Variants in RRM1 observed in about 807,000 individuals in gnomAD.
RRM1 encodes the protein ribonucleotide reductase catalytic subunit M1, also known as ribonucleoside-diphosphate reductase large subunit.
A neutral mutation model predicts 101.5 loss-of-function variants in RRM1; 19 were observed. That is an observed-to-expected ratio of 0.19 (90% CI 0.13 to 0.27). RRM1 has a LOEUF of 0.27. RRM1 is among the 10% of genes least tolerant of loss of function. The pLI, the probability that RRM1 is intolerant of heterozygous loss-of-function variation, is 1.00. For missense variants in RRM1, 500 were observed against 962.9 expected (o/e 0.52, Z 6.36); for synonymous variants, 298 against 323.4 (o/e 0.92, Z 0.84).
At chr11:4,124,785 A>G (rs2094586904) in intron 12 of RRM1, among the ~76,000 whole-genome samples, 1 of 151,760 alleles carries the variant, frequency 6.6e-6, no homozygotes, top group African/African-American at 2.4e-5. Flanking sequence ...TCTTTTTGCA[A>G]ATTGAGCTAT....
Position 4,138,763 on chromosome 11 carries a change from G to C in RRM1, c.*380G>C, listed in dbSNP as rs1026077933. The C allele has an allele frequency of 9.4e-6, 2 of 213,754 alleles. No homozygotes were observed. Among genetic ancestry groups the C allele is most frequent in the African/African-American group, 4.5e-5 (2 of 44,294 alleles). 13.2% of individuals were successfully genotyped at this position (213,754 alleles called of 1,614,324 possible). A position where few individuals can be genotyped will look rare whatever the true frequency, so the allele number is the denominator to read the frequency against. On this transcript the variant is annotated 3_prime_UTR_variant, in exon 19 of 19. Coordinates refer to ENST00000300738, the MANE Select transcript of RRM1 (RefSeq NM_001033.5). ...GAGATTTAGTTTTACTGCTTTGACT[G>C]GTGGGTCTCTAGAAGCAAAACTGAG... is the stretch of plus-strand genomic sequence containing the variant.
chr11:4,107,607 T>G (rs1000292076), intron 4 of RRM1, 72 bp downstream of exon 4: 17 of 917,312 alleles, frequency 1.9e-5, no homozygotes, highest in Admixed American at 9.3e-5. Context: ...TTAGAAAATT[T>G]AAACACTGCA....
intron 12 of RRM1, among the ~76,000 whole-genome samples, chr11:4,124,920 A>T (rs201388166): frequency 0.012 from 1,032 of 83,648 alleles, 6 homozygotes; most frequent in Middle Eastern, 0.022. Context: ...TATTTATTTT[A>T]TTTTTTTTTT....
At chr11:4,124,833 TTTC>T (rs1206714938) in intron 12 of RRM1, among the ~76,000 whole-genome samples, 6 of 38,720 alleles carry the variant, frequency 1.5e-4, no homozygotes, top group Non-Finnish European at 5.0e-4. Flanking sequence ...CAGTGTTTTT[TTTC>T]TTTTCTTTTC....
intron 18 of RRM1, 112 bp downstream of exon 18, chr11:4,135,382 G>A (rs1205977552): frequency 6.2e-6 from 5 of 804,604 alleles, no homozygotes; most frequent in Non-Finnish European, 9.2e-6. Context: ...AGTTCTTTAA[G>A]TTCAAATCCA....
intron 11 of RRM1, 79 bp from the exon 12 acceptor site, chr11:4,123,104 T>A: frequency 9.5e-7 from 1 of 1,057,398 alleles, no homozygotes; most frequent in Non-Finnish European, 1.4e-6. Context: ...CATAACTTTA[T>A]ATTTTAATGT....
intron 1 of RRM1, among the ~76,000 whole-genome samples, chr11:4,099,821 C>T (rs771782656): frequency 1.3e-5 from 2 of 151,728 alleles, no homozygotes; most frequent in Non-Finnish European, 2.9e-5. Flanking sequence ...GATCTTTAGT[C>T]TGCCTCCTAT....
chr11:4,115,419 A>G (rs1239260802), intron 7 of RRM1, among the ~76,000 whole-genome samples: 1 of 151,878 alleles, frequency 6.6e-6, no homozygotes, highest in Non-Finnish European at 1.5e-5. Context: ...AATTGGAGTC[A>G]TGTGGCCACA....
rs2094578774 is a variant in RRM1 at position 4,119,764 on chromosome 11, T to G, written c.793-81T>G. On this transcript the variant is annotated intron_variant, in intron 8 of 18. Transcript: ENST00000300738. ...ATTGCTACCTAGAAATTAGGCATCT[T>G]TTTTGATAAAAGAATGGGGCCATTT... 4 of 828,810 alleles carry G rather than the reference T, an allele frequency of 4.8e-6. No individual in the cohort carries two copies. The African/African-American group carries it at 6.8e-5, about 14-fold the overall frequency. The allele number at this position is 828,810 out of a possible 1,614,324, so 51.3% of individuals were successfully genotyped here. A position where few individuals can be genotyped will look rare whatever the true frequency, so the allele number is the denominator to read the frequency against.
At chr11:4,117,634 T>G (rs538603144) in intron 7 of RRM1, among the ~76,000 whole-genome samples, 1 of 152,330 alleles carries the variant, frequency 6.6e-6, no homozygotes, top group African/African-American at 2.4e-5. Context: ...AATGAGGGTA[T>G]ATTTGTGGTG....
chr11:4,138,486 C>T lies in RRM1; in HGVS notation c.*103C>T. On this transcript the variant is annotated 3_prime_UTR_variant, in exon 19 of 19. Transcript: ENST00000300738. ...TTGAGGTGGTAAGGCTTTGCTGGAC[C>T]CTGTTGCAGGCAAAAGGAGTAATTG... The T allele has an allele frequency of 1.3e-6, 1 of 751,570 alleles. No individual in the cohort carries two copies. Among genetic ancestry groups the T allele is most frequent in the African/African-American group, 1.8e-5 (1 of 55,688 alleles). The allele number at this position is 751,570 out of a possible 1,614,324, so 46.6% of individuals were successfully genotyped here. A position where few individuals can be genotyped will look rare whatever the true frequency, so the allele number is the denominator to read the frequency against.
chr11:4,114,216 A>G (rs2094569573), intron 7 of RRM1, among the ~76,000 whole-genome samples: 1 of 152,070 alleles, frequency 6.6e-6, no homozygotes, highest in Non-Finnish European at 1.5e-5. Flanking sequence ...AGCTTGTAGG[A>G]CTGAAAATTG....
chr11:4,094,702 G>C (rs929220146), upstream of RRM1: 1 of 512,854 alleles, frequency 1.9e-6, no homozygotes, highest in Non-Finnish European at 3.6e-6. Context: ...GTCTTGCCCA[G>C]ACTCAACATG....
In RRM1 at chr11:4,094,921, A is replaced by G. The variant is rs535232235; in HGVS notation, c.-92A>G. On this transcript the variant is annotated 5_prime_UTR_variant, in exon 1 of 19. Coordinates refer to ENST00000300738, the MANE Select transcript of RRM1 (RefSeq NM_001033.5). ...TCCCCTGAGCAGCGCCTGGAACCTAACCCTTCCCACTCTGTCACCTTCTCG... is the reference window on the plus strand; with the variant it reads ...TCCCCTGAGCAGCGCCTGGAACCTAGCCCTTCCCACTCTGTCACCTTCTCG... 24 of 1,379,392 alleles carry G rather than the reference A, an allele frequency of 1.7e-5. No individual in the cohort carries two copies. The African/African-American group carries it at 2.3e-4, about 13-fold the overall frequency. The allele number at this position is 1,379,392 out of a possible 1,614,324, so 85.4% of individuals were successfully genotyped here.
At chr11:4,138,130 T>G in intron 18 of RRM1, 65 bp from the exon 19 acceptor site, 1 of 886,412 alleles carries the variant, frequency 1.1e-6, no homozygotes, top group Non-Finnish European at 1.7e-6. Flanking sequence ...ATTTTAAATA[T>G]TGGTGTGGAA....
chr11:4,113,411 A>G (rs2133298740), intron 7 of RRM1, among the ~76,000 whole-genome samples: 1 of 152,326 alleles, frequency 6.6e-6, no homozygotes, highest in South Asian at 2.1e-4. Context: ...CAAAACTGTA[A>G]TGATTTGAAG....
At chr11:4,101,905 A>G (rs575874209) in intron 1 of RRM1, 88 bp from the exon 2 acceptor site, 3 of 736,432 alleles carry the variant, frequency 4.1e-6, no homozygotes, top group Non-Finnish European at 7.1e-6. Context: ...GTCAATTTAC[A>G]TGTTAATTAC....
chr11:4,114,972 C>T (rs1040421387), intron 7 of RRM1, among the ~76,000 whole-genome samples: 19 of 152,106 alleles, frequency 1.2e-4, no homozygotes, highest in South Asian at 2.1e-4. Context: ...CTTGGCCTCC[C>T]GAAGTGCTGG....
chr11:4,114,756 A>G lies in RRM1; in HGVS notation c.650+2694A>G, dbSNP rs1461306446. Among the ~76,000 whole-genome samples, 5 of 152,254 alleles carry G rather than the reference A, an allele frequency of 3.3e-5. No individual in the cohort carries two copies. The East Asian group carries it at 9.7e-4, about 29-fold the overall frequency. The stretch of plus-strand genomic sequence containing the variant: ...AAGACAGAGTCTCACTCTTTTGCCC[A>G]GGCTGGAGTGCAGTGGCATGATCTT... On this transcript the variant is annotated intron_variant, in intron 7 of 18. Coordinates refer to ENST00000300738, the MANE Select transcript of RRM1 (RefSeq NM_001033.5).
Sources: gnomAD v4.1 joint callset for allele counts (sites outside exome capture counted in the v4.1 genomes callset) on GRCh38, gnomAD v4.1.1 for gene constraint, MANE v1.5 for transcripts, NCBI Gene and HGNC (gene_info 2026-07-23, HGNC 2026-07-21) for gene names.